Variants in DCUN1D1 observed in about 807,000 individuals in gnomAD.
DCUN1D1 encodes the protein defective in cullin neddylation 1 domain containing 1, also known as DCN1-like protein 1.
A neutral mutation model predicts 39.0 loss-of-function variants in DCUN1D1; 3 were observed. The ratio of observed to expected loss-of-function variants is 0.08; its 90% CI spans 0.04 to 0.20. The LOEUF (loss-of-function observed/expected upper bound fraction) is 0.20. DCUN1D1 is among the 10% of genes least tolerant of loss of function. The pLI is 1.00. For synonymous variants in DCUN1D1, 82 were observed against 96.3 expected (o/e 0.85, Z 0.87); for missense variants, 158 against 302.4 (o/e 0.52, Z 3.54).
upstream of DCUN1D1, among the ~76,000 whole-genome samples, chr3:182,983,083 G>A (rs943595098): frequency 3.3e-5 from 5 of 152,278 alleles, no homozygotes; most frequent in Middle Eastern, 3.4e-3. Context: ...AGCTGCATAA[G>A]CATGAGCCTC....
chr3:182,947,427 A>G lies in DCUN1D1; in HGVS notation c.604-93T>C. On this transcript the variant is annotated intron_variant, in intron 5 of 6. Transcript: ENST00000292782. ...AATTTGAAATACAAGAATGCAAAACAATTATGTAACAAAATTCTGGTAATC... is the reference window on the plus strand; with the variant it reads ...AATTTGAAATACAAGAATGCAAAACGATTATGTAACAAAATTCTGGTAATC... The G allele has an allele frequency of 3.6e-6, 4 of 1,119,884 alleles. No individual in the cohort carries two copies. In the South Asian group the frequency reaches 5.6e-5, roughly 16 times the overall value. The allele number at this position is 1,119,884 out of a possible 1,614,324, so 69.4% of individuals were successfully genotyped here. A position where few individuals can be genotyped will look rare whatever the true frequency, so the allele number is the denominator to read the frequency against.
upstream of DCUN1D1, among the ~76,000 whole-genome samples, chr3:182,983,590 C>T (rs1448004905): frequency 6.6e-6 from 1 of 152,124 alleles, no homozygotes; most frequent in African/African-American, 2.4e-5. Context: ...GCCTGCAATC[C>T]CAGCTAGTCC....
intron 4 of DCUN1D1, among the ~76,000 whole-genome samples, chr3:182,951,263 G>A (rs1399952342): frequency 6.6e-6 from 1 of 151,908 alleles, no homozygotes; most frequent in Non-Finnish European, 1.5e-5. Flanking sequence ...TAAGCATATT[G>A]CTAGTATATT....
chr3:182,943,556 G>C lies in DCUN1D1; in HGVS notation c.*1538C>G, dbSNP rs563999124. On this transcript the variant is annotated 3_prime_UTR_variant, in exon 7 of 7. Transcript: ENST00000292782. Reference sequence around the variant, plus strand: ...AATAATTTCCATATTTGCATAAAATGTACTGCTATTCTAAGTACATTCCTT... The same window carrying C: ...AATAATTTCCATATTTGCATAAAATCTACTGCTATTCTAAGTACATTCCTT... 3 of 152,368 alleles carry C rather than the reference G, an allele frequency of 2.0e-5. No homozygotes were observed. In the South Asian group the frequency reaches 6.2e-4, roughly 32 times the overall value. 9.4% of individuals were successfully genotyped at this position (152,368 alleles called of 1,614,324 possible).
chr3:182,972,128 T>C (rs1221741979), intron 1 of DCUN1D1, among the ~76,000 whole-genome samples: 1 of 115,216 alleles, frequency 8.7e-6, no homozygotes, highest in East Asian at 2.9e-4. Flanking sequence ...AGACAAGCAA[T>C]ACAACAGAAA....
intron 1 of DCUN1D1, among the ~76,000 whole-genome samples, chr3:182,976,720 A>T (rs1180437329): frequency 6.6e-6 from 1 of 152,128 alleles, no homozygotes; most frequent in East Asian, 1.9e-4. Flanking sequence ...TATGTTTATT[A>T]TTTATGTCTC....
At chr3:182,970,157 C>T (rs1416854115) in intron 1 of DCUN1D1, among the ~76,000 whole-genome samples, 2 of 151,848 alleles carry the variant, frequency 1.3e-5, no homozygotes, top group African/African-American at 4.8e-5. Context: ...ACATGGGAGG[C>T]TGAGGTGGGA....
chr3:182,939,650 ATC>A lies in DCUN1D1; in HGVS notation c.*5442_*5443del, dbSNP rs1450881417. The stretch of plus-strand genomic sequence containing the variant: ...TCTGTGAAATTTCTAGAAAGGGTAA[ATC>A]TGTACAGAAAGCAGATCAGTGTGGC... On this transcript the variant is annotated 3_prime_UTR_variant, in exon 7 of 7. Coordinates refer to ENST00000292782, the MANE Select transcript of DCUN1D1 (RefSeq NM_020640.4). The A allele has an allele frequency of 1.3e-5, 2 of 152,220 alleles. No individual in the cohort carries two copies. The highest frequency in any genetic ancestry group is 4.8e-5 in the African/African-American group (2 of 41,462). 9.4% of individuals were successfully genotyped at this position (152,220 alleles called of 1,614,324 possible).
intron 6 of DCUN1D1, 141 bp downstream of exon 6, chr3:182,947,097 A>G (rs1241787095): frequency 1.7e-6 from 1 of 583,658 alleles, no homozygotes; most frequent in African/African-American, 1.9e-5. Context: ...ATGAGACTCT[A>G]TCTCAAAAAA....
At position 182,972,608 on chromosome 3, in the gene DCUN1D1, G is replaced by A. The variant is rs546173596; in HGVS notation, c.4-6855C>T. 5.3e-5 allele frequency among the ~76,000 whole-genome samples: 8 copies of A among 152,128 alleles called. No individual in the cohort carries two copies. The East Asian group carries it at 1.5e-3, about 29-fold the overall frequency. On this transcript the variant is annotated intron_variant, in intron 1 of 6. Transcript: ENST00000292782. The stretch of plus-strand genomic sequence containing the variant: ...CTGGGCAACACAGCAAGATCTGGTG[G>A]CGCACAGCTGTAGTTCCAGCTACTT...
At chr3:182,980,539 G>A (rs1728492752), upstream of DCUN1D1, 2 of 1,222,408 alleles carry the variant, frequency 1.6e-6, no homozygotes, top group Non-Finnish European at 2.1e-6. Context: ...CGCAGCGAAT[G>A]GACGGCGGCG....
intron 3 of DCUN1D1, 134 bp downstream of exon 3, chr3:182,963,747 C>G (rs2108375595): frequency 1.4e-6 from 1 of 726,060 alleles, no homozygotes; most frequent in African/African-American, 1.8e-5. Flanking sequence ...AACATGGAAA[C>G]TAGCAAGTTA....
intron 4 of DCUN1D1, among the ~76,000 whole-genome samples, chr3:182,948,451 C>T (rs2108624891): frequency 6.6e-6 from 1 of 152,280 alleles, no homozygotes; most frequent in Non-Finnish European, 1.5e-5. Flanking sequence ...CGACAGAGAA[C>T]TACACTTATC....
At chr3:182,970,264 C>T (rs961432330) in intron 1 of DCUN1D1, among the ~76,000 whole-genome samples, 2 of 150,790 alleles carry the variant, frequency 1.3e-5, no homozygotes, top group African/African-American at 4.9e-5. Context: ...ATCTTAACCC[C>T]CCAAAAAAAA....
In DCUN1D1 at chr3:182,966,228, C is replaced by T. The variant is rs151039488; in HGVS notation, c.4-475G>A. Among the ~76,000 whole-genome samples the T allele has an allele frequency of 6.6e-3, 1,006 of 152,194 alleles. 10 individuals are homozygous for T. Among genetic ancestry groups the T allele is most frequent in the African/African-American group, 0.023 (937 of 41,518 alleles). Reference sequence around the variant, plus strand: ...CAGGTGTTTACTGCAGTCCTAATACCCACTATAAAGGATATGGCGTGGGAA... The same window carrying T: ...CAGGTGTTTACTGCAGTCCTAATACTCACTATAAAGGATATGGCGTGGGAA... On this transcript the variant is annotated intron_variant, in intron 1 of 6. Coordinates refer to ENST00000292782, the MANE Select transcript of DCUN1D1 (RefSeq NM_020640.4).
At chr3:182,968,115 C>T (rs1727761773) in intron 1 of DCUN1D1, among the ~76,000 whole-genome samples, 1 of 152,126 alleles carries the variant, frequency 6.6e-6, no homozygotes, top group African/African-American at 2.4e-5. Context: ...CGCTATGTTG[C>T]CCAGGCTGGT....
chr3:182,980,708 T>G, upstream of DCUN1D1: 29 of 259,922 alleles, frequency 1.1e-4, no homozygotes, highest in South Asian at 3.0e-4. Context: ...GGCGCGGGGG[T>G]CCCCCGGGGA....
chr3:182,976,789 A>G (rs1728262850), intron 1 of DCUN1D1, among the ~76,000 whole-genome samples: 2 of 152,178 alleles, frequency 1.3e-5, no homozygotes, highest in South Asian at 4.1e-4. Flanking sequence ...TGATATATAC[A>G]TCCCTTCAGT....
chr3:182,979,404 T>G (rs1728402101), intron 1 of DCUN1D1, among the ~76,000 whole-genome samples: 1 of 152,162 alleles, frequency 6.6e-6, no homozygotes, highest in African/African-American at 2.4e-5. Flanking sequence ...GAGGCCTTTA[T>G]GTTCCCCACG....
Sources: gnomAD v4.1 joint callset for allele counts (sites outside exome capture counted in the v4.1 genomes callset) on GRCh38, gnomAD v4.1.1 for gene constraint, MANE v1.5 for transcripts, NCBI Gene and HGNC (gene_info 2026-07-23, HGNC 2026-07-21) for gene names.